The following GRIP1 variants were observed in gnomAD, a reference collection of about 807,000 sequenced individuals.
GRIP1 encodes the protein glutamate receptor-interacting protein 1.
GRIP1 carries 45 observed loss-of-function variants against 129.9 expected under a neutral mutation model. The ratio of observed to expected loss-of-function variants is 0.35; its 90% CI spans 0.27 to 0.44. GRIP1 has a LOEUF of 0.44. GRIP1 is among the 20% of genes least tolerant of loss of function. The pLI is 1.00. For synonymous variants in GRIP1, 530 were observed against 520.8 expected (o/e 1.02, Z -0.24); for missense variants, 1,196 against 1,396.8 (o/e 0.86, Z 2.29).
chr12:66,508,117 G>A (rs2060593478), intron 7 of GRIP1, among the ~76,000 whole-genome samples: 2 of 152,318 alleles, frequency 1.3e-5, no homozygotes, highest in Middle Eastern at 3.4e-3. Context: ...ATTAAGAGGT[G>A]TTGTGATTGA....
intron 1 of GRIP1, among the ~76,000 whole-genome samples, chr12:66,656,347 T>TA (rs2033155635): frequency 1.3e-5 from 2 of 152,084 alleles, no homozygotes; most frequent in Admixed American, 6.5e-5. Flanking sequence ...ATTTCCCATT[T>TA]TAAAAAAAAA....
chr12:66,794,819 A>G (rs1346182496), intron 1 of GRIP1, among the ~76,000 whole-genome samples: 2 of 152,194 alleles, frequency 1.3e-5, no homozygotes, highest in Non-Finnish European at 2.9e-5. Context: ...TGGAATTTTT[A>G]AGAATAAAAG....
intron 1 of GRIP1, among the ~76,000 whole-genome samples, chr12:66,802,366 C>A (rs2038883148): frequency 6.6e-6 from 1 of 152,192 alleles, no homozygotes; most frequent in East Asian, 1.9e-4. Flanking sequence ...AACATCTTAT[C>A]CTTAGCATGG....
intron 7 of GRIP1, among the ~76,000 whole-genome samples, chr12:66,495,315 G>A (rs1408191325): frequency 6.6e-6 from 1 of 152,200 alleles, no homozygotes; most frequent in African/African-American, 2.4e-5. Context: ...AGAAAGAGAA[G>A]GGCGAGCAGG....
At position 66,432,521 on chromosome 12, in the gene GRIP1, TATTTAAAAGAAATAACTTCTAC is replaced by T; in HGVS notation, c.1768+5_1768+26del. The stretch of plus-strand genomic sequence containing the variant: ...ACAGTTTTCTAATGCCTTTAAAAAT[TATTTAAAAGAAATAACTTCTAC>T]TTACAACTTATGGTTATTCCAAGTT... On this transcript the variant is annotated splice_donor_5th_base_variant and intron_variant, in intron 14 of 24. Coordinates refer to ENST00000359742, the MANE Select transcript of GRIP1 (RefSeq NM_001366722.1). The T allele has an allele frequency of 7.4e-7, 1 of 1,358,564 alleles. No homozygotes were observed. Among genetic ancestry groups the T allele is most frequent in the South Asian group, 1.2e-5 (1 of 85,402 alleles). The allele number at this position is 1,358,564 out of a possible 1,614,324, so 84.2% of individuals were successfully genotyped here.
At chr12:67,067,581 A>T (rs2043651198) in intron 1 of GRIP1, among the ~76,000 whole-genome samples, 3 of 152,176 alleles carry the variant, frequency 2.0e-5, no homozygotes, top group Admixed American at 2.0e-4. Context: ...CCTGCCAGAA[A>T]GTGTGCTGGA....
At chr12:66,472,655 T>C (rs2059472218) in intron 7 of GRIP1, among the ~76,000 whole-genome samples, 1 of 152,060 alleles carries the variant, frequency 6.6e-6, no homozygotes, top group South Asian at 2.1e-4. Context: ...GGTTAGACAG[T>C]GGGTGCAGCC....
chr12:66,792,371 A>T (rs896180406), intron 1 of GRIP1, among the ~76,000 whole-genome samples: 1 of 152,014 alleles, frequency 6.6e-6, no homozygotes, highest in Non-Finnish European at 1.5e-5. Context: ...TCTCCCAAGT[A>T]GCTGGGATTA....
intron 1 of GRIP1, among the ~76,000 whole-genome samples, chr12:66,956,533 G>C (rs2137515342): frequency 6.6e-6 from 1 of 152,302 alleles, no homozygotes; most frequent in Admixed American, 6.5e-5. Flanking sequence ...TTAAGGGACA[G>C]AGAATTGAGC....
chr12:66,393,071 G>A (rs541195180), intron 17 of GRIP1, among the ~76,000 whole-genome samples: 38 of 151,308 alleles, frequency 2.5e-4, no homozygotes, highest in Admixed American at 9.9e-4. Flanking sequence ...TTCCAAGAAA[G>A]CTGAGTCATT....
At position 66,783,044 on chromosome 12, in the gene GRIP1, CT is replaced by C. The variant is rs373211810; in HGVS notation, c.-420+21008del. Among the ~76,000 whole-genome samples the C allele has an allele frequency of 4.8e-3, 699 of 145,450 alleles. 4 individuals carry two copies. The highest frequency in any genetic ancestry group is 9.1e-3 in the Admixed American group (133 of 14,558). On this transcript the variant is annotated intron_variant, in intron 1 of 4. Transcript: ENST00000538373. ...GCTGAAAGGCAAATGAGTAAAGGTA[CT>C]TTTTTTTTTTTAAGACACTCTGTCA...
At chr12:66,383,860 G>A (rs1235445677) in intron 19 of GRIP1, among the ~76,000 whole-genome samples, 1 of 152,212 alleles carries the variant, frequency 6.6e-6, no homozygotes, top group East Asian at 1.9e-4. Context: ...TCTGGTCAAT[G>A]ACGTAGCTAA....
Position 66,377,228 on chromosome 12 carries a change from T to C in GRIP1, c.2679A>G (p.Gln893=). ...CGCAGGTTTCCAAATCCTCCAGCGC[T>C]TGAGACCAGAAGTTCTCCTCTTGTT... The part of the protein sequence containing the change: ...ETEQEENFWS[Q]ALEDLETCGQ... Residue 893 remains glutamine, a synonymous_variant, in exon 21 of 25, where the codon CAA becomes CAG. Transcript: ENST00000359742. 5 of 1,614,130 alleles carry C rather than the reference T, an allele frequency of 3.1e-6. No homozygotes were observed. The highest frequency in any genetic ancestry group is 4.2e-6 in the Non-Finnish European group (5 of 1,179,952).
intron 2 of GRIP1, among the ~76,000 whole-genome samples, chr12:66,591,137 T>C (rs2063834180): frequency 6.6e-6 from 1 of 152,078 alleles, no homozygotes; most frequent in African/African-American, 2.4e-5. Flanking sequence ...AAATAATAAA[T>C]TTATCAGTTA....
At chr12:66,851,928 C>A (rs750638249) in intron 1 of GRIP1, among the ~76,000 whole-genome samples, 2 of 151,962 alleles carry the variant, frequency 1.3e-5, no homozygotes, top group African/African-American at 2.4e-5. Context: ...TATCAAAAGC[C>A]AACCTGTCAT....
chr12:66,440,839 G>A (rs2058452215), intron 13 of GRIP1, among the ~76,000 whole-genome samples: 1 of 152,094 alleles, frequency 6.6e-6, no homozygotes, highest in Admixed American at 6.6e-5. Flanking sequence ...CTCACCAAAT[G>A]TCCCCTGGGG....
chr12:66,649,572 G>A (rs924439247), intron 1 of GRIP1, among the ~76,000 whole-genome samples: 2 of 152,210 alleles, frequency 1.3e-5, no homozygotes, highest in Non-Finnish European at 2.9e-5. Flanking sequence ...AGCCCAGTAG[G>A]AAAGATAAAA....
At chr12:66,480,318 C>T (rs896807640) in intron 7 of GRIP1, among the ~76,000 whole-genome samples, 1 of 152,038 alleles carries the variant, frequency 6.6e-6, no homozygotes, top group African/African-American at 2.4e-5. Flanking sequence ...ACAACTGCTA[C>T]AAAGTGAATA....
At chr12:66,383,094 C>T (rs764278128) in intron 19 of GRIP1, among the ~76,000 whole-genome samples, 2 of 151,852 alleles carry the variant, frequency 1.3e-5, no homozygotes, top group Admixed American at 6.6e-5. Context: ...GCCAGGAGTT[C>T]GAGACCAGCC....
Sources: allele counts gnomAD v4.1 joint callset (sites outside exome capture counted in the v4.1 genomes callset), GRCh38; gene constraint gnomAD v4.1.1; transcripts MANE v1.5; gene names NCBI Gene and HGNC (gene_info 2026-07-23, HGNC 2026-07-21).